The following RAD23B variants were observed in gnomAD, a reference collection of about 807,000 sequenced individuals.
RAD23B encodes the protein lysine-specific demethylase RAD23B.
RAD23B carries 5 observed loss-of-function variants against 49.1 expected under a neutral mutation model. That is an observed-to-expected ratio of 0.10 (90% confidence interval 0.05 to 0.21). The LOEUF (loss-of-function observed/expected upper bound fraction) is 0.21. Among genes scored for constraint, RAD23B ranks in the 10% least tolerant of loss-of-function variants. The pLI is 1.00. For synonymous variants in RAD23B, 184 were observed against 165.4 expected (o/e 1.11, Z -0.86); for missense variants, 356 against 486.7 (o/e 0.73, Z 2.53).
At chr9:107,300,958 G>C (rs936186417) in intron 2 of RAD23B, among the ~76,000 whole-genome samples, 1 of 152,192 alleles carries the variant, frequency 6.6e-6, no homozygotes, top group Non-Finnish European at 1.5e-5. Context: ...GAATTCAGAA[G>C]CCTAAAGAAG....
intron 1 of RAD23B, among the ~76,000 whole-genome samples, chr9:107,299,219 T>C (rs1346323076): frequency 6.6e-6 from 1 of 152,208 alleles, no homozygotes; most frequent in African/African-American, 2.4e-5. Context: ...TTTATTTGTA[T>C]CCCTTTCTGT....
Position 107,329,690 on chromosome 9 carries a change from G to T in RAD23B, c.*34G>T. 1.4e-6 allele frequency: 2 copies of T among 1,401,264 alleles called. No individual in the cohort carries two copies. Among genetic ancestry groups the T allele is most frequent in the Non-Finnish European group, 1.0e-6 (1 of 992,034 alleles). 86.8% of individuals were successfully genotyped at this position (1,401,264 alleles called of 1,614,324 possible). A position where few individuals can be genotyped will look rare whatever the true frequency, so the allele number is the denominator to read the frequency against. On this transcript the variant is annotated 3_prime_UTR_variant, in exon 10 of 10. Transcript: ENST00000358015. ...TTTTTATATCTCACACTTCACACCA[G>T]TGCATTACACTAACTTGTTCACTGG...
chr9:107,301,558 A>G lies in RAD23B; in HGVS notation c.149-477A>G, dbSNP rs1228848470. ...TATGCTTTTTAGTTTTATTTGTTTG[A>G]GAGAGGGTCTTGCTCTGTCACCCAA... On this transcript the variant is annotated intron_variant, in intron 2 of 9. Transcript: ENST00000358015. Among the ~76,000 whole-genome samples the G allele has an allele frequency of 3.3e-5, 5 of 152,198 alleles. No individual in the cohort carries two copies. In the Middle Eastern group the frequency reaches 0.01, roughly 311 times the overall value.
chr9:107,292,926 A>G (rs892854739), intron 1 of RAD23B, among the ~76,000 whole-genome samples: 4 of 152,294 alleles, frequency 2.6e-5, no homozygotes, highest in Admixed American at 2.6e-4. Context: ...CTTAATTAGA[A>G]CAGTAAACAC....
Position 107,283,583 on chromosome 9 carries a change from G to A in RAD23B, c.-47G>A, listed in dbSNP as rs1158314546. ...CGCCAGGCCACAGACCCCGCCCAGC[G>A]GCCAGCACCCGGCGCAGGCCCGGCA... is the stretch of plus-strand genomic sequence containing the variant. On this transcript the variant is annotated 5_prime_UTR_variant, in exon 1 of 10. Transcript: ENST00000358015. 17 of 1,449,910 alleles carry A rather than the reference G, an allele frequency of 1.2e-5. No homozygotes were observed. Among genetic ancestry groups the A allele is most frequent in the African/African-American group, 1.5e-5 (1 of 67,452 alleles). The allele number at this position is 1,449,910 out of a possible 1,614,324, so 89.8% of individuals were successfully genotyped here. A position where few individuals can be genotyped will look rare whatever the true frequency, so the allele number is the denominator to read the frequency against.
At chr9:107,296,756 A>G (rs952954946) in intron 1 of RAD23B, among the ~76,000 whole-genome samples, 1 of 150,676 alleles carries the variant, frequency 6.6e-6, no homozygotes, top group Non-Finnish European at 1.5e-5. Context: ...GCTGGCCTTG[A>G]GCTCCTGGCC....
At position 107,330,551 on chromosome 9, in the gene RAD23B, G is replaced by C. The variant is rs1437922970; in HGVS notation, c.*895G>C. 3 of 152,572 alleles carry C rather than the reference G, an allele frequency of 2.0e-5. No homozygotes were observed. Among genetic ancestry groups the C allele is most frequent in the Non-Finnish European group, 4.4e-5 (3 of 68,022 alleles). 9.5% of individuals were successfully genotyped at this position (152,572 alleles called of 1,614,324 possible). Reference sequence around the variant, plus strand: ...CTCCCTGTCTTTTCCCCTTCCCTCAGCAGAAACGTGTTTATCAGCAAGTCG... The same window carrying C: ...CTCCCTGTCTTTTCCCCTTCCCTCACCAGAAACGTGTTTATCAGCAAGTCG... On this transcript the variant is annotated 3_prime_UTR_variant, in exon 10 of 10. Transcript: ENST00000358015. The surrounding 1 kb of genome is among the most constrained non-coding windows in gnomAD (Gnocchi z 4.4).
At chr9:107,287,484 A>G (rs1050455726) in intron 1 of RAD23B, among the ~76,000 whole-genome samples, 3 of 152,244 alleles carry the variant, frequency 2.0e-5, no homozygotes, top group Non-Finnish European at 4.4e-5. Context: ...CAAAGACATC[A>G]GTTTTAATAT....
At chr9:107,297,613 C>T (rs1826554555) in intron 1 of RAD23B, among the ~76,000 whole-genome samples, 2 of 152,146 alleles carry the variant, frequency 1.3e-5, no homozygotes, top group African/African-American at 4.8e-5. Context: ...TATGGGATTA[C>T]AGGCGTGAAC....
At chr9:107,287,233 G>C (rs1003031949) in intron 1 of RAD23B, among the ~76,000 whole-genome samples, 1 of 69,390 alleles carries the variant, frequency 1.4e-5, no homozygotes, top group Non-Finnish European at 2.7e-5. Context: ...AACCTTTTGA[G>C]ATAAAAAAAA....
At chr9:107,313,623 A>G (rs962129940) in intron 5 of RAD23B, among the ~76,000 whole-genome samples, 1 of 152,204 alleles carries the variant, frequency 6.6e-6, no homozygotes, top group Non-Finnish European at 1.5e-5. Context: ...AATGACCAAT[A>G]CCATCCATAT....
In RAD23B at chr9:107,331,127, A is replaced by C. The variant is rs935367855; in HGVS notation, c.*1471A>C. On this transcript the variant is annotated 3_prime_UTR_variant, in exon 10 of 10. Coordinates refer to ENST00000358015, the MANE Select transcript of RAD23B (RefSeq NM_002874.5). ...GATGAATTTGCACAGATTTCTCTGC[A>C]TAATTTCTCAATATCTTTAGCACAG... The C allele has an allele frequency of 6.6e-6, 1 of 152,428 alleles. No homozygotes were observed. The highest frequency in any genetic ancestry group is 1.5e-5 in the Non-Finnish European group (1 of 68,040). The allele number at this position is 152,428 out of a possible 1,614,324, so 9.4% of individuals were successfully genotyped here.
At chr9:107,300,857 T>C (rs1187344449) in intron 2 of RAD23B, among the ~76,000 whole-genome samples, 1 of 152,192 alleles carries the variant, frequency 6.6e-6, no homozygotes, top group Non-Finnish European at 1.5e-5. Context: ...ACCCATGGAT[T>C]CTTCTCTTTT....
intron 6 of RAD23B, among the ~76,000 whole-genome samples, chr9:107,321,281 T>A (rs1164743659): frequency 6.6e-6 from 1 of 150,848 alleles, no homozygotes; most frequent in Non-Finnish European, 1.5e-5. Context: ...TGAGATACTT[T>A]AAGTATCTCA....
At chr9:107,307,817 C>CAATAG (rs1391871168) in intron 4 of RAD23B, among the ~76,000 whole-genome samples, 3 of 152,142 alleles carry the variant, frequency 2.0e-5, no homozygotes, top group Non-Finnish European at 4.4e-5. Context: ...TGGGTTTAGG[C>CAATAG]AATAGAATAT....
At position 107,331,291 on chromosome 9, in the gene RAD23B, C is replaced by T; in HGVS notation, c.*1635C>T. The T allele has an allele frequency of 6.0e-6, 1 of 167,212 alleles. No individual in the cohort carries two copies. The highest frequency in any genetic ancestry group is 1.3e-5 in the Non-Finnish European group (1 of 77,590). 10.4% of individuals were successfully genotyped at this position (167,212 alleles called of 1,614,324 possible). On this transcript the variant is annotated 3_prime_UTR_variant, in exon 10 of 10. Coordinates refer to ENST00000358015, the MANE Select transcript of RAD23B (RefSeq NM_002874.5). ...GCCGAGGTGGGCAGATCACTTGAGG[C>T]CAGGAGATTGAGACCAGCCTGACCG...
At chr9:107,299,551 G>A (rs748515155) in intron 1 of RAD23B, among the ~76,000 whole-genome samples, 2 of 152,196 alleles carry the variant, frequency 1.3e-5, no homozygotes, top group Non-Finnish European at 2.9e-5. Context: ...TAAGAGCATT[G>A]AAGTTGTCTG....
intron 1 of RAD23B, among the ~76,000 whole-genome samples, chr9:107,286,187 A>G (rs1003819662): frequency 6.6e-6 from 1 of 152,358 alleles, no homozygotes; most frequent in Non-Finnish European, 1.5e-5. Context: ...TGAGCTTGAG[A>G]TGAGCATGAG....
At chr9:107,304,787 G>T (rs1437775237) in intron 3 of RAD23B, among the ~76,000 whole-genome samples, 1 of 152,134 alleles carries the variant, frequency 6.6e-6, no homozygotes, top group African/African-American at 2.4e-5. Context: ...CACATGTACA[G>T]TTGACCCTTG....
Sources: gnomAD v4.1 joint callset for allele counts (sites outside exome capture counted in the v4.1 genomes callset) on GRCh38, gnomAD v4.1.1 for gene constraint, Gnocchi (gnomAD v3.1) non-coding constraint, MANE v1.5 for transcripts, NCBI Gene and HGNC (gene_info 2026-07-23, HGNC 2026-07-21) for gene names.